Variants in CMTM6 observed in about 807,000 individuals in gnomAD.
The protein encoded by CMTM6 is CKLF like MARVEL transmembrane domain containing 6, also known as CKLF-like MARVEL transmembrane domain-containing protein 6.
A neutral mutation model predicts 13.6 loss-of-function variants in CMTM6; 5 were observed. The observed-to-expected ratio is 0.37, with a 90% CI of 0.19 to 0.77. The LOEUF (loss-of-function observed/expected upper bound fraction) is 0.77, where lower values mean the gene tolerates loss of function less well. CMTM6 is among the 30% of genes least tolerant of loss of function. The probability of loss-of-function intolerance (pLI) is 0.50; values close to 1 mark genes in which losing one functional copy is unlikely to be tolerated. For synonymous variants in CMTM6, 99 were observed against 84.5 expected (o/e 1.17, Z -0.94); for missense variants, 196 against 218.6 (o/e 0.90, Z 0.65).
rs1305971282 is a variant in CMTM6 at position 32,487,982 on chromosome 3, A to G, written c.370T>C (p.Phe124Leu). The change falls in exon 3 of 4, where the codon TTT becomes CTT. Residue 124 changes from phenylalanine to leucine, a missense_variant. Phe to Leu is a conservative substitution (Grantham distance 22). Transcript: ENST00000205636. ...GCVFLLASIIFVSTHDRTSAE... is the reference protein window; with the variant it reads ...GCVFLLASIILVSTHDRTSAE... The stretch of plus-strand genomic sequence containing the variant: ...GAAGTCCTGTCATGTGTGGAAACAA[A>G]AATGATGGATGCCAACAAAAACACA... 4.3e-6 allele frequency: 7 copies of G among 1,613,922 alleles called. No individual in the cohort carries two copies. Among genetic ancestry groups the G allele is most frequent in the Non-Finnish European group, 5.9e-6 (7 of 1,179,952 alleles).
At chr3:32,496,729 C>T (rs542123244) in intron 1 of CMTM6, among the ~76,000 whole-genome samples, 1 of 152,190 alleles carries the variant, frequency 6.6e-6, no homozygotes, top group East Asian at 1.9e-4. Flanking sequence ...GGCAGAGACA[C>T]AAACAGAACC....
chr3:32,491,870 G>A lies in CMTM6; in HGVS notation c.155C>T (p.Ala52Val), dbSNP rs750923311. The A allele has an allele frequency of 6.8e-6, 11 of 1,606,164 alleles. No individual in the cohort carries two copies. In the Admixed American group the frequency reaches 1.4e-4, roughly 20 times the overall value. Residue 52 changes from alanine to valine, a missense_variant, in exon 2 of 4, where the codon GCC becomes GTC. Coordinates refer to ENST00000205636, the MANE Select transcript of CMTM6 (RefSeq NM_017801.3). ...TGATACAACTTCTTCACAGATGAAG[G>A]CCAGCAGAGACAGCAACTACAAATG... Reference protein sequence around the residue: ...KGLQLLLSLLAFICEEVVSQC... With the variant: ...KGLQLLLSLLVFICEEVVSQC...
At chr3:32,497,025 G>T (rs1425392404) in intron 1 of CMTM6, among the ~76,000 whole-genome samples, 1 of 152,040 alleles carries the variant, frequency 6.6e-6, no homozygotes. Context: ...CTACAGTTCC[G>T]AGTGTAGGAG....
At position 32,498,230 on chromosome 3, in the gene CMTM6, C is replaced by T. The variant is rs995642851; in HGVS notation, c.138+4378G>A. 3.3e-5 allele frequency among the ~76,000 whole-genome samples: 5 copies of T among 152,286 alleles called. No individual in the cohort carries two copies. The South Asian group carries it at 8.3e-4, about 25-fold the overall frequency. ...TAGCGGATATAGTCTCCCACTCCCA[C>T]GTTTACAAAGATGGAATTAAGCTAC... On this transcript the variant is annotated intron_variant, in intron 1 of 3. Coordinates refer to ENST00000205636, the MANE Select transcript of CMTM6 (RefSeq NM_017801.3).
intron 1 of CMTM6, among the ~76,000 whole-genome samples, chr3:32,494,621 G>C (rs942914464): frequency 6.6e-6 from 1 of 152,038 alleles, no homozygotes; most frequent in African/African-American, 2.4e-5. Context: ...AAACATTCCA[G>C]ATGTCCAATG....
intron 1 of CMTM6, among the ~76,000 whole-genome samples, chr3:32,499,499 G>GT (rs1187340307): frequency 3.3e-5 from 5 of 152,122 alleles, no homozygotes; most frequent in East Asian, 3.8e-4. Flanking sequence ...CTGCACCAGC[G>GT]TATCAGCAAG....
intron 1 of CMTM6, among the ~76,000 whole-genome samples, chr3:32,499,982 T>G (rs1697331052): frequency 6.6e-6 from 1 of 152,106 alleles, no homozygotes; most frequent in Non-Finnish European, 1.5e-5. Context: ...TGTAAGAATT[T>G]CCTAAGTATA....
In CMTM6 at chr3:32,490,795, A is replaced by G. The variant is rs144026951; in HGVS notation, c.315+915T>C. On this transcript the variant is annotated intron_variant, in intron 2 of 3. Coordinates refer to ENST00000205636, the MANE Select transcript of CMTM6 (RefSeq NM_017801.3). ...GATATTGTTTCACTGTTAAGAAATGACAAAATGATTTCAATCTGTAATTTT... is the reference window on the plus strand; with the variant it reads ...GATATTGTTTCACTGTTAAGAAATGGCAAAATGATTTCAATCTGTAATTTT... Among the ~76,000 whole-genome samples the G allele has an allele frequency of 3.2e-3, 484 of 152,336 alleles. 2 individuals are homozygous for G. Among genetic ancestry groups the G allele is most frequent in the Middle Eastern group, 0.017 (5 of 294 alleles).
chr3:32,496,430 GA>G (rs1285800497), intron 1 of CMTM6, among the ~76,000 whole-genome samples: 2 of 150,868 alleles, frequency 1.3e-5, no homozygotes, highest in African/African-American at 2.4e-5. Flanking sequence ...AAAAAAAAAA[GA>G]AAAAAAATTC....
At chr3:32,492,156 C>T (rs527751665) in intron 1 of CMTM6, among the ~76,000 whole-genome samples, 3 of 152,196 alleles carry the variant, frequency 2.0e-5, no homozygotes, top group East Asian at 3.9e-4. Context: ...ACAGGAGAGA[C>T]GCTCAACTGC....
intron 1 of CMTM6, among the ~76,000 whole-genome samples, chr3:32,502,079 T>C (rs1559426603): frequency 6.6e-6 from 1 of 152,228 alleles, no homozygotes; most frequent in African/African-American, 2.4e-5. Context: ...CCAGTCAATA[T>C]AAAACTTTTA....
chr3:32,496,970 T>G (rs1016459101), intron 1 of CMTM6, among the ~76,000 whole-genome samples: 1 of 152,096 alleles, frequency 6.6e-6, no homozygotes, highest in Non-Finnish European at 1.5e-5. Flanking sequence ...TTTAGTAGGT[T>G]AGAAAACAGG....
At chr3:32,501,067 G>T (rs1697340479) in intron 1 of CMTM6, among the ~76,000 whole-genome samples, 1 of 151,624 alleles carries the variant, frequency 6.6e-6, no homozygotes, top group South Asian at 2.1e-4. Flanking sequence ...GGGCATGGAG[G>T]TGCGTGCCTG....
chr3:32,493,730 CAAG>C (rs1203245774), intron 1 of CMTM6, among the ~76,000 whole-genome samples: 1 of 152,004 alleles, frequency 6.6e-6, no homozygotes, highest in Admixed American at 6.5e-5. Flanking sequence ...GGGTAGTAAA[CAAG>C]AAAAAAGTAT....
At chr3:32,490,017 G>A (rs1303586838) in intron 2 of CMTM6, among the ~76,000 whole-genome samples, 1 of 152,054 alleles carries the variant, frequency 6.6e-6, no homozygotes, top group African/African-American at 2.4e-5. Context: ...AGGCCGAGGT[G>A]GGCGGATCAC....
rs1468703496 is a variant in CMTM6 at position 32,488,021 on chromosome 3, A to T, written c.331T>A (p.Leu111Met). ...KVKSSDFYITLGTGCVFLLAS... is the reference protein window; with the variant it reads ...KVKSSDFYITMGTGCVFLLAS... Reference sequence around the variant, plus strand: ...AACAAAAACACACATCCTGTTCCCAAAGTAATATAAAAATCCTATGCATAC... The same window carrying T: ...AACAAAAACACACATCCTGTTCCCATAGTAATATAAAAATCCTATGCATAC... Residue 111 changes from leucine (L) to methionine (M), a missense_variant, in exon 3 of 4, where the codon TTG becomes ATG. Leu to Met is a conservative substitution (Grantham distance 15). This residue lies in a region of CMTM6 where 111 missense variants were observed against 160.0 expected (regional missense o/e 0.69). Coordinates refer to ENST00000205636, the MANE Select transcript of CMTM6 (RefSeq NM_017801.3). The T allele has an allele frequency of 6.2e-7, 1 of 1,612,412 alleles. No individual in the cohort carries two copies. Among genetic ancestry groups the T allele is most frequent in the East Asian group, 2.2e-5 (1 of 44,822 alleles).
intron 1 of CMTM6, among the ~76,000 whole-genome samples, chr3:32,500,226 T>TA (rs1453826149): frequency 6.6e-6 from 1 of 152,198 alleles, no homozygotes; most frequent in Admixed American, 6.5e-5. Context: ...TTTAGTTTTT[T>TA]AAAAAAATTA....
chr3:32,488,135 TG>T (rs1697221061), intron 2 of CMTM6, 99 bp from the exon 3 acceptor site: 1 of 830,562 alleles, frequency 1.2e-6, no homozygotes, highest in East Asian at 2.7e-5. Context: ...GCTACTTACT[TG>T]TTTTTCTTGA....
chr3:32,500,152 ACCT>A (rs1364143249), intron 1 of CMTM6, among the ~76,000 whole-genome samples: 1 of 152,080 alleles, frequency 6.6e-6, no homozygotes, highest in Non-Finnish European at 1.5e-5. Flanking sequence ...TTGTTAAAAC[ACCT>A]CCTCTTCTGA....
Sources: gnomAD v4.1 joint callset for allele counts (sites outside exome capture counted in the v4.1 genomes callset) on GRCh38, gnomAD v4.1.1 for gene constraint, gnomAD v4.1.1 regional missense constraint, MANE v1.5 for transcripts, NCBI Gene and HGNC (gene_info 2026-07-23, HGNC 2026-07-21) for gene names.